Variants in CTDSPL observed in about 807,000 individuals in gnomAD.
CTDSPL encodes CTD small phosphatase like.
A neutral mutation model predicts 30.5 loss-of-function variants in CTDSPL; 8 were observed. The observed-to-expected ratio is 0.26, with a 90% CI of 0.15 to 0.47. CTDSPL has a LOEUF of 0.47. Among genes scored for constraint, CTDSPL ranks in the 20% least tolerant of loss-of-function variants. The probability of loss-of-function intolerance (pLI) is 0.99; values close to 1 mark genes in which losing one functional copy is unlikely to be tolerated. For synonymous variants in CTDSPL, 110 were observed against 137.9 expected (o/e 0.80, Z 1.42); for missense variants, 248 against 366.1 (o/e 0.68, Z 2.63).
At chr3:37,904,501 G>A (rs1211764019) in intron 1 of CTDSPL, among the ~76,000 whole-genome samples, 1 of 152,126 alleles carries the variant, frequency 6.6e-6, no homozygotes, top group African/African-American at 2.4e-5. Flanking sequence ...GATGATAAAT[G>A]GGGGCACCTG....
chr3:37,890,695 C>T (rs886361412), intron 1 of CTDSPL, among the ~76,000 whole-genome samples: 9 of 152,172 alleles, frequency 5.9e-5, no homozygotes, highest in Non-Finnish European at 1.2e-4. Flanking sequence ...GAGTCTCCAT[C>T]AGATCCAGGC....
At chr3:37,964,522 T>G in intron 3 of CTDSPL, 49 bp from the exon 4 acceptor site, 3 of 1,283,678 alleles carry the variant, frequency 2.3e-6, no homozygotes, top group Non-Finnish European at 3.4e-6. Flanking sequence ...CAATACTGAT[T>G]GGTTTGTCTT....
At chr3:37,883,682 T>G (rs1698233103) in intron 1 of CTDSPL, among the ~76,000 whole-genome samples, 1 of 152,258 alleles carries the variant, frequency 6.6e-6, no homozygotes, top group African/African-American at 2.4e-5. Flanking sequence ...CTTTAAATAC[T>G]TAGTAGAATA....
chr3:37,876,856 C>G lies in CTDSPL; in HGVS notation c.79+14578C>G, dbSNP rs1338950139. Among the ~76,000 whole-genome samples, 3 of 151,594 alleles carry G rather than the reference C, an allele frequency of 2.0e-5. No individual in the cohort carries two copies. The East Asian group carries it at 5.8e-4, about 29-fold the overall frequency. On this transcript the variant is annotated intron_variant, in intron 1 of 7. Coordinates refer to ENST00000273179, the MANE Select transcript of CTDSPL (RefSeq NM_001008392.2). ...TTAGCAGTGGCTCACACCTGTAATC[C>G]CAGCACTTTGGGAGGCTGAGGCGGG...
intron 2 of CTDSPL, chr3:37,954,600 A>G (rs1458682863): frequency 6.6e-6 from 1 of 152,326 alleles, no homozygotes; most frequent in Non-Finnish European, 1.5e-5. Context: ...AAGGCCATGG[A>G]CAGAATGGGA....
chr3:37,953,986 G>T (rs1699139150), intron 2 of CTDSPL, among the ~76,000 whole-genome samples: 1 of 152,200 alleles, frequency 6.6e-6, no homozygotes, highest in Admixed American at 6.5e-5. Context: ...AACAGATTTT[G>T]ATTTCTCATG....
At position 37,890,370 on chromosome 3, in the gene CTDSPL, A is replaced by G. The variant is rs1021155072; in HGVS notation, c.79+28092A>G. ...TTCTTACAATATGTAAGGGAAGGGA[A>G]AATGTGGTGGTGCAAAAGAGCTAAA... On this transcript the variant is annotated intron_variant, in intron 1 of 7. Transcript: ENST00000273179. 2.0e-5 allele frequency among the ~76,000 whole-genome samples: 3 copies of G among 152,216 alleles called. No homozygotes were observed. In the East Asian group the frequency reaches 5.8e-4, roughly 29 times the overall value.
intron 1 of CTDSPL, among the ~76,000 whole-genome samples, chr3:37,938,117 C>T (rs1698935572): frequency 6.7e-6 from 1 of 150,202 alleles, no homozygotes; most frequent in Admixed American, 6.7e-5. Flanking sequence ...TACATTCCAG[C>T]TACTCTGATC....
At chr3:37,914,870 G>GTTTTTTT (rs1266252934) in intron 1 of CTDSPL, among the ~76,000 whole-genome samples, 2 of 71,796 alleles carry the variant, frequency 2.8e-5, no homozygotes, top group Non-Finnish European at 5.0e-5. Flanking sequence ...AGATATATAT[G>GTTTTTTT]TTCTTTTTTT....
At chr3:37,894,718 T>C (rs1698372056) in intron 1 of CTDSPL, among the ~76,000 whole-genome samples, 1 of 152,220 alleles carries the variant, frequency 6.6e-6, no homozygotes, top group African/African-American at 2.4e-5. Context: ...AATGTTGTCC[T>C]ACAGGTCTGA....
chr3:37,960,525 TATATATATATACAC>T (rs1285258295), intron 3 of CTDSPL, among the ~76,000 whole-genome samples: 26 of 65,086 alleles, frequency 4.0e-4, no homozygotes, highest in African/African-American at 1.6e-3. Flanking sequence ...TATATATATA[TATATATATATACAC>T]ACACACACAC....
chr3:37,967,874 A>C lies in CTDSPL; in HGVS notation c.418A>C (p.Ile140Leu). The change falls in exon 5 of 8, where the codon ATA (isoleucine) becomes CTA (leucine). Residue 140 changes from isoleucine to leucine, a missense_variant. Transcript: ENST00000273179. The part of the protein sequence containing the change: ...FIVPVEIDGT[I>L]HQVYVLKRPH... ...TGTTCCGGTTGAAATCGATGGAACT[A>C]TACATCAGGTAAGAAACTGAAGCTA... 3.8e-6 allele frequency: 6 copies of C among 1,598,084 alleles called. No individual in the cohort carries two copies. The highest frequency in any genetic ancestry group is 5.1e-6 in the Non-Finnish European group (6 of 1,175,038).
At chr3:37,963,075 G>T (rs189415343) in intron 3 of CTDSPL, among the ~76,000 whole-genome samples, 2 of 152,158 alleles carry the variant, frequency 1.3e-5, no homozygotes, top group Non-Finnish European at 2.9e-5. Context: ...CTAGATCCTC[G>T]AATTTCGTGC....
chr3:37,912,153 G>A (rs1472213702), intron 1 of CTDSPL, among the ~76,000 whole-genome samples: 1 of 152,206 alleles, frequency 6.6e-6, no homozygotes, highest in Non-Finnish European at 1.5e-5. Context: ...GTCTTTGGAG[G>A]GAGTGAGGGG....
At chr3:37,939,991 G>A (rs1273692148) in intron 1 of CTDSPL, among the ~76,000 whole-genome samples, 1 of 149,880 alleles carries the variant, frequency 6.7e-6, no homozygotes, top group African/African-American at 2.4e-5. Flanking sequence ...ACTCAGGAGG[G>A]TGAGGCAGGA....
At chr3:37,915,700 G>GT (rs1369001031) in intron 1 of CTDSPL, among the ~76,000 whole-genome samples, 2 of 151,998 alleles carry the variant, frequency 1.3e-5, no homozygotes, top group African/African-American at 4.8e-5. Context: ...TTTAAGCATA[G>GT]TTTTTTTATT....
chr3:37,972,392 T>C (rs1699377529), intron 6 of CTDSPL, among the ~76,000 whole-genome samples: 1 of 152,154 alleles, frequency 6.6e-6, no homozygotes, highest in African/African-American at 2.4e-5. Context: ...CTCGGGAGGC[T>C]GAGGCACGAG....
chr3:37,953,280 C>T (rs927409536), intron 2 of CTDSPL, among the ~76,000 whole-genome samples: 16 of 152,308 alleles, frequency 1.1e-4, no homozygotes, highest in African/African-American at 3.4e-4. Flanking sequence ...CACGTGCCTA[C>T]GCCCCATCTC....
intron 2 of CTDSPL, among the ~76,000 whole-genome samples, chr3:37,953,060 A>G (rs1316802107): frequency 6.6e-6 from 1 of 152,244 alleles, no homozygotes; most frequent in Admixed American, 6.5e-5. Context: ...TTTAATCACT[A>G]TATCCAAAAT....
Sources: allele counts gnomAD v4.1 joint callset (sites outside exome capture counted in the v4.1 genomes callset), GRCh38; gene constraint gnomAD v4.1.1; transcripts MANE v1.5; gene names NCBI Gene and HGNC (gene_info 2026-07-23, HGNC 2026-07-21).